The following MMS22L variants were observed in gnomAD, a reference collection of about 807,000 sequenced individuals.
The protein encoded by MMS22L is protein MMS22-like.
A neutral mutation model predicts 159.1 loss-of-function variants in MMS22L; 74 were observed. The ratio of observed to expected loss-of-function variants is 0.47; its 90% confidence interval spans 0.39 to 0.56. The LOEUF is 0.56. Ranked by LOEUF, MMS22L falls within the 20% of genes least tolerant of loss-of-function variation. The pLI is 0.00. For missense variants in MMS22L, 1,351 were observed against 1,422.1 expected (o/e 0.95, Z 0.80); for synonymous variants, 517 against 506.9 (o/e 1.02, Z -0.27).
chr6:97,189,868 A>G (rs1315720748), intron 14 of MMS22L, among the ~76,000 whole-genome samples: 1 of 152,182 alleles, frequency 6.6e-6, no homozygotes, highest in Admixed American at 6.5e-5. Flanking sequence ...TTAAACCAGA[A>G]CCTAGTTGTT....
chr6:97,191,021 C>A (rs904337354), intron 14 of MMS22L, among the ~76,000 whole-genome samples: 4 of 152,174 alleles, frequency 2.6e-5, no homozygotes, highest in Admixed American at 6.5e-5. Flanking sequence ...AAGTATTTTC[C>A]TGATTCTTTC....
chr6:97,250,463 T>C (rs1057497909), intron 10 of MMS22L, among the ~76,000 whole-genome samples: 33 of 152,184 alleles, frequency 2.2e-4, no homozygotes, highest in Non-Finnish European at 3.2e-4. Flanking sequence ...CTGTTAAAAC[T>C]GACCCCTTGC....
intron 11 of MMS22L, among the ~76,000 whole-genome samples, chr6:97,241,938 T>C (rs1812120983): frequency 6.6e-6 from 1 of 152,230 alleles, no homozygotes; most frequent in South Asian, 2.1e-4. Flanking sequence ...GGAATTCATT[T>C]CCAATTTTAT....
intron 4 of MMS22L, among the ~76,000 whole-genome samples, chr6:97,277,397 G>A (rs1324175821): frequency 6.6e-6 from 1 of 152,102 alleles, no homozygotes; most frequent in Non-Finnish European, 1.5e-5. Context: ...CTGGGTGACA[G>A]AGCGAGACTC....
intron 14 of MMS22L, among the ~76,000 whole-genome samples, chr6:97,201,930 A>G (rs536632082): frequency 1.3e-5 from 2 of 152,318 alleles, no homozygotes; most frequent in African/African-American, 2.4e-5. Context: ...TTTAAGATAA[A>G]TATCAGTCTT....
chr6:97,181,431 G>C (rs1429635944), intron 16 of MMS22L, among the ~76,000 whole-genome samples: 2 of 152,054 alleles, frequency 1.3e-5, no homozygotes, highest in Non-Finnish European at 1.5e-5. Context: ...ACATTGTTCA[G>C]GTGAAGTATC....
chr6:97,272,857 C>T lies in MMS22L; in HGVS notation c.453G>A (p.Glu151=). 6.2e-7 allele frequency: 1 copy of T among 1,613,294 alleles called. No homozygotes were observed. The highest frequency in any genetic ancestry group is 8.5e-7 in the Non-Finnish European group (1 of 1,179,804). The stretch of plus-strand genomic sequence containing the variant: ...CATAAGGATGGACAGGAACATGACT[C>T]TCAGCATTCTGTACTTTCAGATACC... The part of the protein sequence containing the change: ...IFRYLKVQNA[E]SHVPVHPYEA... The change falls in exon 6 of 25, where the codon GAG becomes GAA. Residue 151 remains glutamate (E), a synonymous_variant. Coordinates refer to ENST00000683635, the MANE Select transcript of MMS22L (RefSeq NM_001350599.2).
chr6:97,267,110 T>C (rs1815206516), intron 8 of MMS22L: 1 of 152,162 alleles, frequency 6.6e-6, no homozygotes, highest in South Asian at 2.1e-4. Context: ...TTTTGTCAAT[T>C]AACAAAAATA....
At chr6:97,196,319 A>G (rs1806497665) in intron 14 of MMS22L, among the ~76,000 whole-genome samples, 1 of 152,206 alleles carries the variant, frequency 6.6e-6, no homozygotes, top group African/African-American at 2.4e-5. Flanking sequence ...TTAATTAAAA[A>G]AATAATAGAG....
Position 97,273,039 on chromosome 6 carries a change from T to G in MMS22L, c.364A>C (p.Lys122Gln). 1 of 1,611,816 alleles carries G rather than the reference T, an allele frequency of 6.2e-7. No homozygotes were observed. ...CACTGCTGCCTAATATTGTCTGCTT[T>G]GCAGTGTAGAGTTGATACCTTCCCT... ...DFGKVSTLHC[K>Q]ADNIRQQCVL... The change falls in exon 5 of 25, where the codon AAA becomes CAA. Residue 122 changes from lysine to glutamine, a missense_variant. Transcript: ENST00000683635.
rs780279190 is a variant in MMS22L at position 97,229,135 on chromosome 6, G to A, written c.1798C>T (p.Arg600Trp). The A allele has an allele frequency of 3.4e-5, 55 of 1,613,856 alleles. 1 individual carries two copies. The highest frequency in any genetic ancestry group is 5.5e-5 in the South Asian group (5 of 91,052). Residue 600 changes from arginine (R) to tryptophan (W), a missense_variant, in exon 14 of 25, where the codon CGG becomes TGG. Transcript: ENST00000683635. ...VLAEKFSCAF[R>W]EKAKEFLVSK... ...ACCAAGAATTCCTTTGCTTTCTCCC[G>A]GAAAGCACATGAAAATTTCTCAGCC...
intron 7 of MMS22L, among the ~76,000 whole-genome samples, chr6:97,269,090 C>T (rs1815460423): frequency 6.6e-6 from 1 of 151,622 alleles, no homozygotes; most frequent in Admixed American, 6.6e-5. Flanking sequence ...GTATAAACTC[C>T]TACTAAAAAA....
chr6:97,246,728 CTT>C, intron 10 of MMS22L, 38 bp from the exon 11 acceptor site: 1 of 1,420,450 alleles, frequency 7.0e-7, no homozygotes, highest in Non-Finnish European at 9.9e-7. Context: ...AATTATTGCT[CTT>C]GATTATGCCT....
At chr6:97,174,188 G>A (rs1455109576) in intron 18 of MMS22L, among the ~76,000 whole-genome samples, 1 of 151,402 alleles carries the variant, frequency 6.6e-6, no homozygotes, top group African/African-American at 2.4e-5. Context: ...AGGAGGTGGA[G>A]GTTGCAGTGA....
At chr6:97,235,105 T>C (rs996614848) in intron 11 of MMS22L, among the ~76,000 whole-genome samples, 8 of 152,120 alleles carry the variant, frequency 5.3e-5, no homozygotes, top group African/African-American at 1.7e-4. Flanking sequence ...AAAGAGTGAA[T>C]AGAGGGGTTA....
chr6:97,178,797 T>C (rs933288561), intron 17 of MMS22L, among the ~76,000 whole-genome samples: 3 of 152,114 alleles, frequency 2.0e-5, no homozygotes, highest in African/African-American at 7.2e-5. Flanking sequence ...GTTATTCATG[T>C]AACACCAACT....
In MMS22L at chr6:97,261,706, T is replaced by TA. The variant is rs1430888191; in HGVS notation, c.942+1628dup. ...ACATTGTTCAAGAGTCAACAGTAGA[T>TA]ATATTTGATTTTGCTGTTCTATATT... On this transcript the variant is annotated intron_variant, in intron 9 of 24. Coordinates refer to ENST00000683635, the MANE Select transcript of MMS22L (RefSeq NM_001350599.2). The TA allele has an allele frequency of 5.3e-5, 8 of 152,288 alleles. No homozygotes were observed. The East Asian group carries it at 1.5e-3, about 29-fold the overall frequency. 9.4% of individuals were successfully genotyped at this position (152,288 alleles called of 1,614,324 possible).
chr6:97,190,514 G>A (rs1805755317), intron 14 of MMS22L, among the ~76,000 whole-genome samples: 1 of 152,024 alleles, frequency 6.6e-6, no homozygotes, highest in Non-Finnish European at 1.5e-5. Flanking sequence ...CAGTATAGTA[G>A]AAAATAAATT....
At chr6:97,214,100 T>TA (rs922381313) in intron 14 of MMS22L, among the ~76,000 whole-genome samples, 10 of 151,964 alleles carry the variant, frequency 6.6e-5, no homozygotes, top group South Asian at 4.2e-4. Flanking sequence ...ATCAAATCAT[T>TA]AAAAAAAATA....
Sources: gnomAD v4.1 joint callset for allele counts (sites outside exome capture counted in the v4.1 genomes callset) on GRCh38, gnomAD v4.1.1 for gene constraint, MANE v1.5 for transcripts, NCBI Gene and HGNC (gene_info 2026-07-23, HGNC 2026-07-21) for gene names.